Variants in GPR179 observed in about 807,000 individuals in gnomAD.
GPR179 encodes the protein G protein-coupled receptor 179.
A neutral mutation model predicts 70.8 loss-of-function variants in GPR179; 52 were observed. The ratio of observed to expected loss-of-function variants is 0.73; its 90% CI spans 0.59 to 0.93. The LOEUF (loss-of-function observed/expected upper bound fraction) is 0.93, where lower values mean the gene tolerates loss of function less well. Ranked by LOEUF, GPR179 falls within the 40% of genes least tolerant of loss-of-function variation. The probability of loss-of-function intolerance (pLI) is 0.00; values close to 1 mark genes in which losing one functional copy is unlikely to be tolerated. For missense variants in GPR179, 2,734 were observed against 2,966.8 expected (o/e 0.92, Z 1.82); for synonymous variants, 1,123 against 1,169.0 (o/e 0.96, Z 0.80).
In GPR179 at chr17:38,343,283, AG is replaced by A. The variant is rs1207440349; in HGVS notation, c.506del (p.Thr169MetfsTer29). 1 of 1,614,128 alleles carries A rather than the reference AG, an allele frequency of 6.2e-7. No homozygotes were observed. The highest frequency in any genetic ancestry group is 8.5e-7 in the Non-Finnish European group (1 of 1,180,016). On this transcript the variant is annotated frameshift_variant, in exon 1 of 11. Coordinates refer to ENST00000616987, the MANE Select transcript of GPR179 (RefSeq NM_001004334.4). LOFTEE classifies it high-confidence loss of function. The surrounding 1 kb of genome is among the most constrained non-coding windows in gnomAD (Gnocchi z 4.2). ...AGTCCTGCAGGATGGTTTCCTCCCC[AG>A]TCCGGGTGGCCTGCAGGGCCAGCTG... ...HLQLALQATRTGEETILQDLS... is the reference protein window; with the variant it reads ...HLQLALQATRXGEETILQDLS...
At position 38,335,785 on chromosome 17, in the gene GPR179, C is replaced by A. The variant is rs541160516; in HGVS notation, c.1297-85G>T. On this transcript the variant is annotated intron_variant, in intron 5 of 10. Coordinates refer to ENST00000616987, the MANE Select transcript of GPR179 (RefSeq NM_001004334.4). ...ATGCTAAGCACACTGTGGATCCTCCCAACAGCCCTGCAATAGAGCCATCAC... is the reference window on the plus strand; with the variant it reads ...ATGCTAAGCACACTGTGGATCCTCCAAACAGCCCTGCAATAGAGCCATCAC... The A allele has an allele frequency of 1.0e-3, 900 of 867,490 alleles. 2 individuals are homozygous for A. The highest frequency in any genetic ancestry group is 4.2e-3 in the Middle Eastern group (19 of 4,552). The allele number at this position is 867,490 out of a possible 1,614,324, so 53.7% of individuals were successfully genotyped here. A position where few individuals can be genotyped will look rare whatever the true frequency, so the allele number is the denominator to read the frequency against.
At chr17:38,335,294 G>A in intron 6 of GPR179, 23 bp from the exon 7 acceptor site, 45 of 1,524,820 alleles carry the variant, frequency 3.0e-5, no homozygotes, top group Non-Finnish European at 3.9e-5. Flanking sequence ...GAATACACAG[G>A]GTGGATGGCA....
chr17:38,332,330 A>G (rs2037367144), intron 10 of GPR179, among the ~76,000 whole-genome samples: 1 of 152,198 alleles, frequency 6.6e-6, no homozygotes. Context: ...TCTGGATTGT[A>G]TAAAACAATG....
chr17:38,337,834 A>G (rs1227567314), intron 2 of GPR179, 114 bp from the exon 3 acceptor site: 4 of 855,236 alleles, frequency 4.7e-6, no homozygotes, highest in Non-Finnish European at 7.5e-6. Context: ...ACTTGGGTCC[A>G]CACTAGGGAA....
chr17:38,343,611 A>C lies in GPR179; in HGVS notation c.179T>G (p.Leu60Arg). The C allele has an allele frequency of 6.2e-7, 1 of 1,613,756 alleles. No individual in the cohort carries two copies. Among genetic ancestry groups the C allele is most frequent in the Non-Finnish European group, 8.5e-7 (1 of 1,179,994 alleles). ...GGCATCTCCAGAGTAGAGATAAGCG[A>C]GGGCGGCCTCGGCCCCCTCTAGGGG... Reference protein sequence around the residue: ...QVPLEGAEAALAYLYSGDAQQ... With the variant: ...QVPLEGAEAARAYLYSGDAQQ... Residue 60 changes from leucine (L) to arginine (R), a missense_variant, in exon 1 of 11, where the codon CTC becomes CGC. Physicochemically the swap from Leu to Arg is moderately radical, Grantham distance 102. Transcript: ENST00000616987. The surrounding 1 kb of genome is among the most constrained non-coding windows in gnomAD (Gnocchi z 4.2).
chr17:38,331,922 A>G (rs1010912156), intron 10 of GPR179, among the ~76,000 whole-genome samples: 30 of 152,198 alleles, frequency 2.0e-4, no homozygotes, highest in African/African-American at 7.0e-4. Flanking sequence ...CCTTAAGAGC[A>G]TTATATGAGA....
chr17:38,329,242 T>C lies in GPR179; in HGVS notation c.4327A>G (p.Ile1443Val), dbSNP rs571823957. 2.3e-5 allele frequency: 37 copies of C among 1,613,838 alleles called. No homozygotes were observed. The highest frequency in any genetic ancestry group is 7.7e-5 in the South Asian group (7 of 91,028). ...CACTCTGAGCTTCCTGGGGCCTGAA[T>C]TGAGACTGCTGAGGGGCCCCGGAAA... ...TDFRGPSAVS[I>V]QAPGSSECSG... Residue 1443 changes from isoleucine (I) to valine (V), a missense_variant, in exon 11 of 11, where the codon ATT (isoleucine) becomes GTT (valine). Transcript: ENST00000616987.
chr17:38,336,708 C>A (rs1191025949), intron 4 of GPR179, among the ~76,000 whole-genome samples: 1 of 152,218 alleles, frequency 6.6e-6, no homozygotes, highest in Non-Finnish European at 1.5e-5. Flanking sequence ...GAACTCCATG[C>A]AGGCCCAGAT....
Position 38,334,824 on chromosome 17 carries a change from C to G in GPR179, c.1664G>C (p.Cys555Ser), listed in dbSNP as rs371870031. 1 of 1,612,594 alleles carries G rather than the reference C, an allele frequency of 6.2e-7. No individual in the cohort carries two copies. Among genetic ancestry groups the G allele is most frequent in the East Asian group, 2.2e-5 (1 of 44,868 alleles). The change falls in exon 8 of 11, where the codon TGC (cysteine) becomes TCC (serine). Residue 555 changes from cysteine (C) to serine (S), a missense_variant. Physicochemically the swap from Cys to Ser is moderately radical, Grantham distance 112 (BLOSUM62 -1). Coordinates refer to ENST00000616987, the MANE Select transcript of GPR179 (RefSeq NM_001004334.4). This position sits in a 1 kb window ranked among gnomAD's most constrained non-coding sequence, Gnocchi z 4.7. Reference protein sequence around the residue: ...IMVVAELLLLCWGSFLCYATR... With the variant: ...IMVVAELLLLSWGSFLCYATR... ...GGCGTAGCAGAGGAAGCTGCCCCAGCACAGCAGCAGCAGCTCAGCTGTGGG... is the reference window on the plus strand; with the variant it reads ...GGCGTAGCAGAGGAAGCTGCCCCAGGACAGCAGCAGCAGCTCAGCTGTGGG...
chr17:38,337,562 T>C, intron 3 of GPR179, 71 bp downstream of exon 3: 1 of 1,348,444 alleles, frequency 7.4e-7, no homozygotes, highest in African/African-American at 1.5e-5. Context: ...TCTGGCTTTC[T>C]TCCCCAGATG....
Position 38,327,210 on chromosome 17 carries a change from A to G in GPR179, c.6359T>C (p.Val2120Ala), listed in dbSNP as rs375622891. ...TGCTTTCTTGGCAGAGGGAGCCTCT[A>G]CCACTTCCCACAGACACACTTCCGC... ...RVAEVCLWEV[V>A]EAPSAKKAEI... The change falls in exon 11 of 11, where the codon GTA (valine) becomes GCA (alanine). Residue 2120 changes from valine (V) to alanine (A), a missense_variant. Physicochemically the swap from Val to Ala is moderately conservative, Grantham distance 64 (BLOSUM62 0). Coordinates refer to ENST00000616987, the MANE Select transcript of GPR179 (RefSeq NM_001004334.4). The G allele has an allele frequency of 6.2e-7, 1 of 1,614,070 alleles. No individual in the cohort carries two copies. Among genetic ancestry groups the G allele is most frequent in the Non-Finnish European group, 8.5e-7 (1 of 1,179,972 alleles).
chr17:38,326,844 CAG>C lies in GPR179; in HGVS notation c.6723_6724del (p.Ile2241MetfsTer11). The C allele has an allele frequency of 1.2e-6, 2 of 1,614,230 alleles. No homozygotes were observed. The highest frequency in any genetic ancestry group is 1.7e-6 in the Non-Finnish European group (2 of 1,180,034). The stretch of plus-strand genomic sequence containing the variant: ...TGGGACTCCAGTTTCCTCCCCAGGA[CAG>C]ATGTCTGCCATGGTACCCTTTATTT... On this transcript the variant is annotated frameshift_variant, in exon 11 of 11. Transcript: ENST00000616987. LOFTEE classifies it low-confidence loss of function (END_TRUNC).
At chr17:38,340,387 C>T (rs1567727673) in intron 1 of GPR179, among the ~76,000 whole-genome samples, 1 of 151,982 alleles carries the variant, frequency 6.6e-6, no homozygotes. Context: ...AGCAATCCTC[C>T]CACCTCAGCC....
rs1396959010 is a variant in GPR179, at chr17:38,326,176, T to C, written c.*289A>G. 1 of 377,926 alleles carries C rather than the reference T, an allele frequency of 2.6e-6. No homozygotes were observed. Among genetic ancestry groups the C allele is most frequent in the Non-Finnish European group, 4.7e-6 (1 of 210,828 alleles). The allele number at this position is 377,926 out of a possible 1,614,324, so 23.4% of individuals were successfully genotyped here. ...GTGTCCAGACTCGGGTGGTTTGTGT[T>C]GTGAGTACTGTAGGTGGATGGGAGG... is the stretch of plus-strand genomic sequence containing the variant. On this transcript the variant is annotated 3_prime_UTR_variant, in exon 11 of 11. Coordinates refer to ENST00000616987, the MANE Select transcript of GPR179 (RefSeq NM_001004334.4).
At chr17:38,337,311 C>A in intron 3 of GPR179, 98 bp from the exon 4 acceptor site, 1 of 1,445,812 alleles carries the variant, frequency 6.9e-7, no homozygotes. Context: ...TCTCCCTGTT[C>A]TCCTGTGATC....
intron 1 of GPR179, among the ~76,000 whole-genome samples, chr17:38,342,202 GC>G (rs942127425): frequency 3.0e-4 from 45 of 152,050 alleles, no homozygotes; most frequent in Non-Finnish European, 4.7e-4. Flanking sequence ...CGCCTGGAGT[GC>G]CCACCCAGCT....
chr17:38,328,496 C>T lies in GPR179; in HGVS notation c.5073G>A (p.Leu1691=). The change falls in exon 11 of 11, where the codon TTG becomes TTA. Residue 1691 remains leucine, a synonymous_variant. Transcript: ENST00000616987. ...CAGCAGTCAAGTTTTCCTCCACATC[C>T]AAAGGGCAAATGTCGGCAGCTTTGC... ...VGSKAADICP[L]DVEENLTAGK... is the part of the protein sequence containing the mutation. The T allele has an allele frequency of 6.2e-7, 1 of 1,614,020 alleles. No individual in the cohort carries two copies. Among genetic ancestry groups the T allele is most frequent in the Non-Finnish European group, 8.5e-7 (1 of 1,179,994 alleles).
At position 38,335,622 on chromosome 17, in the gene GPR179, C is replaced by G; in HGVS notation, c.1375G>C (p.Val459Leu). ...AGCTTGAGTATGATGGTGCCGTAGA[C>G]GATGGCAAAACCCAGCAGCCGCACC... is the stretch of plus-strand genomic sequence containing the variant. ...RWVRLLGFAI[V>L]YGTIILKLYR... Residue 459 changes from valine (V) to leucine (L), a missense_variant, in exon 6 of 11, where the codon GTC becomes CTC. Physicochemically the swap from Val to Leu is conservative, Grantham distance 32 (BLOSUM62 1). Transcript: ENST00000616987. The G allele has an allele frequency of 6.2e-7, 1 of 1,613,908 alleles. No homozygotes were observed. The highest frequency in any genetic ancestry group is 8.5e-7 in the Non-Finnish European group (1 of 1,179,782).
chr17:38,333,337 G>T lies in GPR179; in HGVS notation c.1951C>A (p.Leu651Met). Residue 651 changes from leucine to methionine, a missense_variant, in exon 10 of 11, where the codon CTG becomes ATG. By Grantham distance (15) the Leu-to-Met change is conservative (BLOSUM62 2). Transcript: ENST00000616987. Reference protein sequence around the residue: ...EMVDEVCEDELDLQHSGSYLG... With the variant: ...EMVDEVCEDEMDLQHSGSYLG... ...TAGGAGCCTGAGTGCTGCAGGTCCA[G>T]CTCGTCCTCACACACCTCATCCACC... 1 of 1,614,072 alleles carries T rather than the reference G, an allele frequency of 6.2e-7. No individual in the cohort carries two copies. The highest frequency in any genetic ancestry group is 8.5e-7 in the Non-Finnish European group (1 of 1,179,966).
Sources: allele counts gnomAD v4.1 joint callset (sites outside exome capture counted in the v4.1 genomes callset), GRCh38; gene constraint gnomAD v4.1.1; non-coding constraint Gnocchi (gnomAD v3.1); transcripts MANE v1.5; gene names NCBI Gene and HGNC (gene_info 2026-07-23, HGNC 2026-07-21).